CNBD1: variants seen among roughly 807,000 people sequenced by gnomAD.
CNBD1 encodes the protein cyclic nucleotide binding domain containing 1.
CNBD1 carries 71 observed loss-of-function variants against 54.4 expected under a neutral mutation model. That is an observed-to-expected ratio of 1.30 (90% CI 1.08 to 1.59). CNBD1 has a LOEUF of 1.59. Ranked by LOEUF, CNBD1 falls within the 40% of genes most tolerant of loss-of-function variation. The pLI, the probability that CNBD1 is intolerant of heterozygous loss-of-function variation, is 0.00. For synonymous variants in CNBD1, 182 were observed against 170.7 expected (o/e 1.07, Z -0.51); for missense variants, 659 against 518.0 (o/e 1.27, Z -2.64).
chr8:87,099,565 G>C (rs1811388445), intron 4 of CNBD1, among the ~76,000 whole-genome samples: 1 of 152,036 alleles, frequency 6.6e-6, no homozygotes. Flanking sequence ...AATATTCTTG[G>C]ATATATTTTT....
chr8:87,401,198 A>G (rs1193030452), intron 2 of CNBD1, among the ~76,000 whole-genome samples: 1 of 152,022 alleles, frequency 6.6e-6, no homozygotes, highest in East Asian at 1.9e-4. Context: ...TTGGAAACCT[A>G]TTGAGGTTTT....
chr8:87,268,328 C>G (rs1482946368), intron 6 of CNBD1, among the ~76,000 whole-genome samples: 1 of 151,938 alleles, frequency 6.6e-6, no homozygotes, highest in African/African-American at 2.4e-5. Flanking sequence ...GTATATGTAC[C>G]ACATTTTCTT....
chr8:86,988,109 A>G (rs571703261), intron 4 of CNBD1, among the ~76,000 whole-genome samples: 1 of 149,306 alleles, frequency 6.7e-6, no homozygotes, highest in Non-Finnish European at 1.5e-5. Context: ...TTTGGCTGTG[A>G]ATCAATCTGG....
chr8:87,384,909 G>A (rs989962674), downstream of CNBD1, among the ~76,000 whole-genome samples: 3 of 152,140 alleles, frequency 2.0e-5, no homozygotes, highest in East Asian at 5.8e-4. Context: ...GTAAAAGATG[G>A]AATCAGAGTA....
At chr8:86,884,425 C>A (rs1808651344) in intron 1 of CNBD1, among the ~76,000 whole-genome samples, 1 of 151,994 alleles carries the variant, frequency 6.6e-6, no homozygotes. Context: ...TGCCTTATGT[C>A]TATCTAATAT....
intron 8 of CNBD1, among the ~76,000 whole-genome samples, chr8:87,303,941 C>T (rs1490612866): frequency 2.0e-5 from 3 of 152,104 alleles, no homozygotes; most frequent in African/African-American, 4.8e-5. Context: ...AATGAGATAT[C>T]ATCTCACACC....
intron 4 of CNBD1, among the ~76,000 whole-genome samples, chr8:87,172,626 T>C (rs960599082): frequency 3.3e-5 from 5 of 152,188 alleles, no homozygotes; most frequent in Non-Finnish European, 5.9e-5. Context: ...CATTATATAA[T>C]GATCTTCTTT....
chr8:86,900,278 T>C (rs532566395), intron 2 of CNBD1, among the ~76,000 whole-genome samples: 3 of 151,926 alleles, frequency 2.0e-5, no homozygotes, highest in Admixed American at 6.6e-5. Flanking sequence ...GTGCCAGATA[T>C]TTCCTTTTTA....
At chr8:86,975,670 A>T (rs1316108673) in intron 4 of CNBD1, among the ~76,000 whole-genome samples, 1 of 152,062 alleles carries the variant, frequency 6.6e-6, no homozygotes, top group Non-Finnish European at 1.5e-5. Context: ...GACTATTGTG[A>T]ATAATGCTGC....
At chr8:87,154,166 AAAG>A (rs1177842597) in intron 4 of CNBD1, among the ~76,000 whole-genome samples, 1 of 152,226 alleles carries the variant, frequency 6.6e-6, no homozygotes, top group African/African-American at 2.4e-5. Flanking sequence ...AAAGATTAAA[AAAG>A]AACGATTTTT....
intron 4 of CNBD1, among the ~76,000 whole-genome samples, chr8:86,989,596 A>G (rs1277786598): frequency 6.6e-6 from 1 of 152,038 alleles, no homozygotes; most frequent in Non-Finnish European, 1.5e-5. Context: ...GATTACAGGC[A>G]CATGCCACCA....
intron 8 of CNBD1, among the ~76,000 whole-genome samples, chr8:87,298,662 T>C (rs1009546849): frequency 3.3e-5 from 5 of 151,706 alleles, no homozygotes; most frequent in African/African-American, 9.7e-5. Context: ...TTTTTTGTAG[T>C]TTTAGTAGAG....
chr8:87,121,169 C>T (rs1386815587), intron 4 of CNBD1, among the ~76,000 whole-genome samples: 1 of 151,628 alleles, frequency 6.6e-6, no homozygotes, highest in African/African-American at 2.4e-5. Context: ...AAAGGCCCTA[C>T]AGTTAAAAGA....
At chr8:87,212,491 G>T (rs923890285) in intron 5 of CNBD1, among the ~76,000 whole-genome samples, 1 of 152,096 alleles carries the variant, frequency 6.6e-6, no homozygotes, top group Non-Finnish European at 1.5e-5. Flanking sequence ...ATAAAAGTGT[G>T]ATATTGGCAT....
chr8:87,376,382 C>T (rs988881407), intron 10 of CNBD1, among the ~76,000 whole-genome samples: 2 of 151,852 alleles, frequency 1.3e-5, no homozygotes, highest in Non-Finnish European at 2.9e-5. Context: ...GCTCGGCCCT[C>T]AGCACCTAAT....
chr8:86,984,242 A>C (rs761313046), intron 4 of CNBD1, among the ~76,000 whole-genome samples: 4 of 152,164 alleles, frequency 2.6e-5, no homozygotes, highest in Non-Finnish European at 5.9e-5. Context: ...TCAAGACCCA[A>C]GGTTTGGAAA....
At chr8:87,021,189 T>A (rs1490866069) in intron 4 of CNBD1, among the ~76,000 whole-genome samples, 1 of 152,256 alleles carries the variant, frequency 6.6e-6, no homozygotes, top group Non-Finnish European at 1.5e-5. Flanking sequence ...GACGGCTATG[T>A]CATGGGCCAT....
intron 8 of CNBD1, among the ~76,000 whole-genome samples, chr8:87,303,623 C>G (rs1191916760): frequency 1.4e-5 from 2 of 148,060 alleles, no homozygotes; most frequent in Non-Finnish European, 3.0e-5. Flanking sequence ...CAACAAAAGC[C>G]AAAATTGACA....
intron 5 of CNBD1, among the ~76,000 whole-genome samples, chr8:87,221,823 G>A (rs548525033): frequency 9.9e-5 from 15 of 152,096 alleles, no homozygotes; most frequent in African/African-American, 2.9e-4. Context: ...TAATATTTAC[G>A]TATTTGCTTT....
Sources: allele counts gnomAD v4.1 joint callset (sites outside exome capture counted in the v4.1 genomes callset), GRCh38; gene constraint gnomAD v4.1.1; transcripts MANE v1.5; gene names NCBI Gene and HGNC (gene_info 2026-07-23, HGNC 2026-07-21).